CFDP1: variants seen among roughly 807,000 people sequenced by gnomAD.
CFDP1 encodes the protein heterochromatin-stabilizing protein CFDP1.
A neutral mutation model predicts 40.1 loss-of-function variants in CFDP1; 31 were observed. The observed-to-expected ratio is 0.77, with a 90% CI of 0.58 to 1.04. CFDP1 has a LOEUF of 1.04. Among genes scored for constraint, CFDP1 ranks in the 50% least tolerant of loss-of-function variants. The pLI, the probability that CFDP1 is intolerant of heterozygous loss-of-function variation, is 0.00. For synonymous variants in CFDP1, 167 were observed against 120.0 expected (o/e 1.39, Z -2.56); for missense variants, 423 against 343.4 (o/e 1.23, Z -1.83).
intron 1 of CFDP1, among the ~76,000 whole-genome samples, chr16:75,432,370 T>TTA (rs758966301): frequency 9.5e-6 from 1 of 105,582 alleles, no homozygotes; most frequent in Non-Finnish European, 1.8e-5. Flanking sequence ...ATGCCATTTC[T>TTA]AAAAAAAAAA....
intron 5 of CFDP1, among the ~76,000 whole-genome samples, chr16:75,392,106 T>C (rs1020493781): frequency 2.0e-5 from 3 of 152,054 alleles, no homozygotes; most frequent in African/African-American, 4.8e-5. Context: ...CTAATCTTCA[T>C]TAAAAATACA....
chr16:75,349,276 G>A (rs533365393), intron 5 of CFDP1, among the ~76,000 whole-genome samples: 1 of 152,024 alleles, frequency 6.6e-6, no homozygotes, highest in East Asian at 1.9e-4. Context: ...ACTGTGGGAG[G>A]CCAAGGCAGG....
chr16:75,336,198 A>G (rs2078486698), intron 5 of CFDP1, among the ~76,000 whole-genome samples: 2 of 152,174 alleles, frequency 1.3e-5, no homozygotes, highest in South Asian at 4.1e-4. Flanking sequence ...TTGTTCTAGG[A>G]GGTGGAAATA....
chr16:75,295,302 G>A (rs2078174676), intron 6 of CFDP1, among the ~76,000 whole-genome samples: 1 of 152,334 alleles, frequency 6.6e-6, no homozygotes, highest in African/African-American at 2.4e-5. Context: ...AGGCTCTGAG[G>A]CCAGAGGGCT....
intron 4 of CFDP1, among the ~76,000 whole-genome samples, chr16:75,410,139 C>T (rs967337331): frequency 3.5e-5 from 5 of 142,718 alleles, no homozygotes; most frequent in African/African-American, 1.3e-4. Context: ...TATAGCTTCA[C>T]TAGATAAATA....
At chr16:75,417,629 T>C (rs1458422555) in intron 1 of CFDP1, among the ~76,000 whole-genome samples, 3 of 151,874 alleles carry the variant, frequency 2.0e-5, no homozygotes, top group African/African-American at 7.3e-5. Flanking sequence ...TAAAACAGAG[T>C]AGAAGCAAGA....
At chr16:75,378,285 G>A (rs76770526) in intron 5 of CFDP1, among the ~76,000 whole-genome samples, 1 of 4,014 alleles carries the variant, frequency 2.5e-4, no homozygotes, top group Non-Finnish European at 6.6e-4. Flanking sequence ...AGCATCTCAC[G>A]TCTCTGCTTG....
intron 5 of CFDP1, among the ~76,000 whole-genome samples, chr16:75,380,656 C>T (rs537144411): frequency 1.2e-3 from 185 of 152,150 alleles, no homozygotes; most frequent in Non-Finnish European, 2.1e-3. Context: ...TTTTAAGAAC[C>T]GGAACGAACC....
chr16:75,368,817 T>C (rs1338396904), intron 5 of CFDP1, among the ~76,000 whole-genome samples: 2 of 152,136 alleles, frequency 1.3e-5, no homozygotes, highest in Non-Finnish European at 2.9e-5. Flanking sequence ...GCATTTTTTG[T>C]AGAGATGGAG....
intron 5 of CFDP1, among the ~76,000 whole-genome samples, chr16:75,363,624 G>A (rs1339269305): frequency 6.6e-6 from 1 of 152,006 alleles, no homozygotes; most frequent in Non-Finnish European, 1.5e-5. Context: ...TCAAACACCT[G>A]ACCTCAAATG....
chr16:75,298,358 G>C (rs1485227366), intron 6 of CFDP1, among the ~76,000 whole-genome samples: 2 of 152,150 alleles, frequency 1.3e-5, no homozygotes, highest in South Asian at 2.1e-4. Context: ...ACCCGACGTA[G>C]TCACCCTGGC....
intron 5 of CFDP1, among the ~76,000 whole-genome samples, chr16:75,381,825 G>A (rs1034416583): frequency 1.3e-5 from 2 of 152,178 alleles, no homozygotes; most frequent in South Asian, 2.1e-4. Flanking sequence ...ACAGAGCAGA[G>A]GGAGAATCAT....
At position 75,293,890 on chromosome 16, in the gene CFDP1, C is replaced by T. The variant is rs2078163223; in HGVS notation, c.*62G>A. The stretch of plus-strand genomic sequence containing the variant: ...ATGAGAAACACTGTAAAACATTTCA[C>T]AGACGCACAAAAAGCTCACATTGTA... On this transcript the variant is annotated 3_prime_UTR_variant, in exon 7 of 7. Coordinates refer to ENST00000283882, the MANE Select transcript of CFDP1 (RefSeq NM_006324.3). The T allele has an allele frequency of 7.4e-7, 1 of 1,359,688 alleles. No individual in the cohort carries two copies. The highest frequency in any genetic ancestry group is 2.3e-5 in the East Asian group (1 of 43,578). The allele number at this position is 1,359,688 out of a possible 1,614,324, so 84.2% of individuals were successfully genotyped here.
chr16:75,404,600 T>A (rs2079083235), intron 4 of CFDP1, among the ~76,000 whole-genome samples: 1 of 151,954 alleles, frequency 6.6e-6, no homozygotes, highest in African/African-American at 2.4e-5. Context: ...AGAAGCACCA[T>A]CAATGTAGTA....
At chr16:75,330,416 A>C (rs563075048) in intron 5 of CFDP1, among the ~76,000 whole-genome samples, 16 of 152,144 alleles carry the variant, frequency 1.1e-4, no homozygotes, top group Non-Finnish European at 2.1e-4. Context: ...GTGAAACCCC[A>C]TCTCTACTAA....
intron 5 of CFDP1, among the ~76,000 whole-genome samples, chr16:75,321,535 T>A (rs2078363484): frequency 6.6e-6 from 1 of 152,184 alleles, no homozygotes; most frequent in Non-Finnish European, 1.5e-5. Flanking sequence ...TTGTCCAACC[T>A]GCCTTATTCT....
chr16:75,425,072 T>G (rs2151600961), intron 1 of CFDP1, among the ~76,000 whole-genome samples: 1 of 152,012 alleles, frequency 6.6e-6, no homozygotes, highest in South Asian at 2.1e-4. Flanking sequence ...TAAAAACTTT[T>G]TACACCTAAA....
intron 1 of CFDP1, among the ~76,000 whole-genome samples, chr16:75,422,002 A>T (rs564290197): frequency 1.3e-5 from 2 of 152,374 alleles, no homozygotes; most frequent in South Asian, 4.1e-4. Flanking sequence ...AATAGTTGTT[A>T]TACTGTATTG....
chr16:75,402,241 C>T (rs1189228120), intron 4 of CFDP1, among the ~76,000 whole-genome samples: 1 of 152,148 alleles, frequency 6.6e-6, no homozygotes, highest in Non-Finnish European at 1.5e-5. Flanking sequence ...CAGGAAAAGG[C>T]CTATTATTAG....
Sources: gnomAD v4.1 joint callset for allele counts (sites outside exome capture counted in the v4.1 genomes callset) on GRCh38, gnomAD v4.1.1 for gene constraint, MANE v1.5 for transcripts, NCBI Gene and HGNC (gene_info 2026-07-23, HGNC 2026-07-21) for gene names.